Variants in ROBO2 observed in about 807,000 individuals in gnomAD.
The protein encoded by ROBO2 is roundabout homolog 2.
ROBO2 carries 53 observed loss-of-function variants against 160.8 expected under a neutral mutation model. The ratio of observed to expected loss-of-function variants is 0.33; its 90% confidence interval spans 0.26 to 0.41. The LOEUF is 0.41. Among genes scored for constraint, ROBO2 ranks in the 10% least tolerant of loss-of-function variants. ROBO2 has a pLI of 1.00. For missense variants in ROBO2, 1,577 were observed against 1,722.4 expected, an observed-to-expected ratio of 0.92 and a Z score of 1.49; for synonymous variants, 664 against 611.7, an observed-to-expected ratio of 1.09 and a Z score of -1.26.
At chr3:76,794,065 G>C (rs1308690715) in intron 2 of ROBO2, among the ~76,000 whole-genome samples, 2 of 151,786 alleles carry the variant, frequency 1.3e-5, no homozygotes, top group Non-Finnish European at 2.9e-5. Flanking sequence ...CTAATGCCTT[G>C]AATCTTGAAA....
chr3:76,250,048 G>T (rs1304655404), intron 2 of ROBO2, among the ~76,000 whole-genome samples: 3 of 152,022 alleles, frequency 2.0e-5, no homozygotes, highest in Admixed American at 1.3e-4. Context: ...ATTGTGGAGG[G>T]TCTCCTGGGA....
intron 2 of ROBO2, among the ~76,000 whole-genome samples, chr3:76,998,128 T>C (rs1480242124): frequency 1.3e-5 from 2 of 152,310 alleles, no homozygotes; most frequent in Non-Finnish European, 2.9e-5. Context: ...TTCTACAATG[T>C]TCTGTGGTCA....
chr3:76,278,383 G>A (rs1033200948), intron 2 of ROBO2, among the ~76,000 whole-genome samples: 6 of 151,804 alleles, frequency 4.0e-5, no homozygotes, highest in Non-Finnish European at 5.9e-5. Flanking sequence ...GGTACATTTC[G>A]GTCTAGATTG....
chr3:76,115,766 T>G (rs1252112478), intron 2 of ROBO2, among the ~76,000 whole-genome samples: 3 of 152,128 alleles, frequency 2.0e-5, no homozygotes. Context: ...TTTCTGCTCT[T>G]GTTTCTTTTA....
At chr3:76,134,959 C>T (rs1225344978) in intron 2 of ROBO2, among the ~76,000 whole-genome samples, 3 of 152,038 alleles carry the variant, frequency 2.0e-5, no homozygotes, top group Admixed American at 2.0e-4. Flanking sequence ...TGATTGTTGA[C>T]CATATAATGA....
chr3:76,734,553 T>G (rs2093681001), intron 2 of ROBO2, among the ~76,000 whole-genome samples: 1 of 152,200 alleles, frequency 6.6e-6, no homozygotes, highest in Non-Finnish European at 1.5e-5. Context: ...AGCAAATTGA[T>G]TTTTCTTCTA....
chr3:76,391,691 AG>A (rs1422088747), intron 2 of ROBO2, among the ~76,000 whole-genome samples: 1 of 152,040 alleles, frequency 6.6e-6, no homozygotes, highest in African/African-American at 2.4e-5. Flanking sequence ...TTGTATTTTT[AG>A]TAGAGACGGG....
intron 2 of ROBO2, among the ~76,000 whole-genome samples, chr3:76,241,134 A>T (rs2107514799): frequency 6.6e-6 from 1 of 152,282 alleles, no homozygotes; most frequent in South Asian, 2.1e-4. Context: ...TAGCGTGGTT[A>T]TCTGTGATAA....
intron 23 of ROBO2, among the ~76,000 whole-genome samples, chr3:77,626,201 C>T (rs1471747734): frequency 2.6e-5 from 4 of 152,118 alleles, no homozygotes; most frequent in Non-Finnish European, 5.9e-5. Context: ...TATACAAGCA[C>T]AACATATAAT....
intron 2 of ROBO2, among the ~76,000 whole-genome samples, chr3:77,425,625 T>G (rs2078120848): frequency 6.6e-6 from 1 of 150,586 alleles, no homozygotes; most frequent in African/African-American, 2.4e-5. Flanking sequence ...AATAGTCAGG[T>G]CATGCAAAGA....
chr3:76,510,449 G>T (rs898651072), intron 2 of ROBO2, among the ~76,000 whole-genome samples: 16 of 152,072 alleles, frequency 1.1e-4, no homozygotes, highest in African/African-American at 3.9e-4. Context: ...TATGGCTGGG[G>T]GCAGTGGCTC....
intron 2 of ROBO2, among the ~76,000 whole-genome samples, chr3:76,841,117 A>G (rs1030918806): frequency 1.3e-5 from 2 of 152,208 alleles, no homozygotes; most frequent in East Asian, 1.9e-4. Context: ...GGTCTCCAAC[A>G]TGCTAAAAAC....
intron 2 of ROBO2, among the ~76,000 whole-genome samples, chr3:76,755,246 G>A (rs919622627): frequency 4.0e-5 from 6 of 151,786 alleles, no homozygotes; most frequent in Non-Finnish European, 7.4e-5. Context: ...TTACCAAACA[G>A]TTTTCATGAG....
At chr3:77,125,245 A>G (rs563473105) in intron 2 of ROBO2, among the ~76,000 whole-genome samples, 141 of 152,302 alleles carry the variant, frequency 9.3e-4, no homozygotes, top group African/African-American at 3.2e-3. Flanking sequence ...GCACCACGCC[A>G]ATCACAGTCA....
chr3:76,872,208 G>A (rs1258485976), intron 2 of ROBO2, among the ~76,000 whole-genome samples: 1 of 152,048 alleles, frequency 6.6e-6, no homozygotes, highest in Non-Finnish European at 1.5e-5. Flanking sequence ...TTCTTTTTCT[G>A]ATTTATCTTG....
At chr3:76,537,046 GA>G (rs999000029) in intron 2 of ROBO2, among the ~76,000 whole-genome samples, 18 of 152,028 alleles carry the variant, frequency 1.2e-4, no homozygotes, top group African/African-American at 3.4e-4. Context: ...GGAGGCTGAG[GA>G]AGAATTGGGA....
intron 2 of ROBO2, among the ~76,000 whole-genome samples, chr3:76,791,881 A>T (rs1183886666): frequency 6.6e-6 from 1 of 151,848 alleles, no homozygotes; most frequent in Admixed American, 6.6e-5. Context: ...ATACAGTATA[A>T]CAGCTATTTA....
intron 2 of ROBO2, among the ~76,000 whole-genome samples, chr3:77,260,013 C>T (rs548824994): frequency 1.3e-4 from 20 of 152,092 alleles, no homozygotes; most frequent in Non-Finnish European, 2.8e-4. Flanking sequence ...AGGGTCAGGC[C>T]GTTTATGAGC....
intron 2 of ROBO2, among the ~76,000 whole-genome samples, chr3:76,119,975 T>TTCCTTCCTTC (rs1271871463): frequency 2.3e-4 from 33 of 141,674 alleles, no homozygotes; most frequent in Non-Finnish European, 4.3e-4. Context: ...CCTTCCTTCC[T>TTCCTTCCTTC]CTCTCTTTCT....
Sources: gnomAD v4.1 joint callset for allele counts (sites outside exome capture counted in the v4.1 genomes callset) on GRCh38, gnomAD v4.1.1 for gene constraint, MANE v1.5 for transcripts, NCBI Gene and HGNC (gene_info 2026-07-23, HGNC 2026-07-21) for gene names.